Variants in SV2C observed in about 807,000 individuals in gnomAD.
SV2C encodes the protein synaptic vesicle glycoprotein 2C.
SV2C carries 49 observed loss-of-function variants against 79.7 expected under a neutral mutation model. The observed-to-expected ratio is 0.61, with a 90% confidence interval of 0.49 to 0.78. SV2C has a LOEUF of 0.78. SV2C is among the 30% of genes least tolerant of loss of function. The pLI, the probability that SV2C is intolerant of heterozygous loss-of-function variation, is 0.00. For missense variants in SV2C, 833 were observed against 912.9 expected (o/e 0.91, Z 1.13); for synonymous variants, 334 against 333.2 (o/e 1.00, Z -0.03).
At chr5:75,969,219 A>T in the SV2C span, among the ~76,000 whole-genome samples, 4 of 152,202 alleles carry the variant, frequency 2.6e-5, no homozygotes, top group Non-Finnish European at 5.9e-5. Flanking sequence ...CACTGCAAAA[A>T]CATGCCAAAT....
In SV2C at chr5:76,330,871, G is replaced by A. The variant is rs1200876369; in HGVS notation, c.*5324G>A. 1 of 145,732 alleles carries A rather than the reference G, an allele frequency of 6.9e-6. No homozygotes were observed. The highest frequency in any genetic ancestry group is 2.5e-5 in the African/African-American group (1 of 39,936). The allele number at this position is 145,732 out of a possible 1,614,324, so 9.0% of individuals were successfully genotyped here. On this transcript the variant is annotated 3_prime_UTR_variant, in exon 13 of 13. Coordinates refer to ENST00000502798, the MANE Select transcript of SV2C (RefSeq NM_014979.4). ...TTTTTTTTTTTTTTTGGGCGGGGGG[G>A]CGGGGGACGGAGTCTCGCTCTATTA...
intron 4 of SV2C, among the ~76,000 whole-genome samples, chr5:76,268,736 A>T (rs1746745839): frequency 6.6e-6 from 1 of 152,222 alleles, no homozygotes; most frequent in African/African-American, 2.4e-5. Context: ...CCCAAGGGGA[A>T]CATCACTTCT....
At chr5:76,137,397 G>A (rs1749102775) in intron 2 of SV2C, among the ~76,000 whole-genome samples, 1 of 152,170 alleles carries the variant, frequency 6.6e-6, no homozygotes, top group African/African-American at 2.4e-5. Flanking sequence ...GCAGGTAGTT[G>A]AGGATGATAG....
At chr5:76,148,213 T>C (rs1039482902) in intron 2 of SV2C, among the ~76,000 whole-genome samples, 7 of 152,172 alleles carry the variant, frequency 4.6e-5, no homozygotes, top group African/African-American at 1.7e-4. Flanking sequence ...TCACTATATA[T>C]CTTTTTTTTC....
At chr5:76,079,945 G>GTT (rs547913283), upstream of SV2C, among the ~76,000 whole-genome samples, 2 of 145,330 alleles carry the variant, frequency 1.4e-5, no homozygotes, top group African/African-American at 5.0e-5. Flanking sequence ...AGCTTAGGGT[G>GTT]TTTTTTTTTT....
At chr5:75,955,985 T>C in the SV2C span, among the ~76,000 whole-genome samples, 1 of 150,172 alleles carries the variant, frequency 6.7e-6, no homozygotes, top group Non-Finnish European at 1.5e-5. Context: ...GAAGTCAGTG[T>C]GGCGATTCCT....
chr5:75,874,321 A>G, the SV2C span, among the ~76,000 whole-genome samples: 1 of 152,334 alleles, frequency 6.6e-6, no homozygotes, highest in East Asian at 1.9e-4. Context: ...GATTATCTCA[A>G]TAGACACAGA....
At chr5:76,084,725 G>C (rs1298127406) in intron 1 of SV2C, among the ~76,000 whole-genome samples, 1 of 152,018 alleles carries the variant, frequency 6.6e-6, no homozygotes, top group Non-Finnish European at 1.5e-5. Context: ...AGGCGACGGA[G>C]TCTCCGTCTG....
the SV2C span, among the ~76,000 whole-genome samples, chr5:75,987,183 C>T: frequency 6.6e-6 from 1 of 151,900 alleles, no homozygotes; most frequent in Admixed American, 6.6e-5. Context: ...AGTCTTATGC[C>T]TCCTGCCAGC....
At chr5:76,035,828 C>G in the SV2C span, among the ~76,000 whole-genome samples, 87 of 152,060 alleles carry the variant, frequency 5.7e-4, no homozygotes, top group Middle Eastern at 0.01. Flanking sequence ...GTTGATCTGT[C>G]TAATGTTGAC....
chr5:75,911,386 A>G, the SV2C span: 2 of 1,173,852 alleles, frequency 1.7e-6, no homozygotes, highest in Non-Finnish European at 1.2e-6. Context: ...AAAGAAGAGA[A>G]CCTATATCCA....
the SV2C span, among the ~76,000 whole-genome samples, chr5:75,954,950 G>A: frequency 1.3e-5 from 2 of 148,698 alleles, no homozygotes; most frequent in South Asian, 2.1e-4. Flanking sequence ...AATCAATATC[G>A]TGAAAATGGC....
At chr5:76,187,914 A>G (rs935647348) in intron 2 of SV2C, among the ~76,000 whole-genome samples, 4 of 151,928 alleles carry the variant, frequency 2.6e-5, no homozygotes, top group African/African-American at 9.7e-5. Context: ...TTTCTTTTCC[A>G]TCACTATTTT....
intron 1 of SV2C, among the ~76,000 whole-genome samples, chr5:76,090,608 C>T (rs1255051889): frequency 5.9e-5 from 9 of 152,126 alleles, no homozygotes; most frequent in African/African-American, 1.9e-4. Flanking sequence ...TCCTATTCTT[C>T]GGTGACTGCA....
intron 2 of SV2C, among the ~76,000 whole-genome samples, chr5:76,133,125 A>G (rs1748957909): frequency 6.6e-6 from 1 of 152,206 alleles, no homozygotes; most frequent in Non-Finnish European, 1.5e-5. Context: ...AGGGAAAATA[A>G]GTAGGTAAGA....
the SV2C span, among the ~76,000 whole-genome samples, chr5:75,969,215 A>G: frequency 6.6e-6 from 1 of 152,230 alleles, no homozygotes; most frequent in Admixed American, 6.5e-5. Flanking sequence ...CAGCCACTGC[A>G]AAAACATGCC....
chr5:76,236,050 T>C (rs1745600782), intron 4 of SV2C, among the ~76,000 whole-genome samples: 1 of 152,214 alleles, frequency 6.6e-6, no homozygotes, highest in Admixed American at 6.5e-5. Flanking sequence ...AGCTGAGCCA[T>C]TTCTTCTCTA....
At chr5:76,294,302 CTCTT>C (rs1178457075) in intron 8 of SV2C, among the ~76,000 whole-genome samples, 12 of 126,156 alleles carry the variant, frequency 9.5e-5, no homozygotes, top group Admixed American at 2.7e-4. Context: ...CATTCTCTCT[CTCTT>C]TTTTTTTTTT....
the SV2C span, chr5:75,920,897 C>G: frequency 1.3e-6 from 1 of 742,670 alleles, no homozygotes; most frequent in Non-Finnish European, 2.5e-6. Flanking sequence ...TCAGGGTCAG[C>G]AGGCCCTGCA....
Sources: gnomAD v4.1 joint callset for allele counts (sites outside exome capture counted in the v4.1 genomes callset) on GRCh38, gnomAD v4.1.1 for gene constraint, MANE v1.5 for transcripts, NCBI Gene and HGNC (gene_info 2026-07-23, HGNC 2026-07-21) for gene names.